Variants in ZFP2 observed in about 807,000 individuals in gnomAD.
The protein encoded by ZFP2 is ZFP2 zinc finger protein.
ZFP2 carries 33 observed loss-of-function variants against 36.1 expected under a neutral mutation model. The observed-to-expected ratio is 0.92, with a 90% CI of 0.69 to 1.22. The LOEUF is 1.22. ZFP2 is among the 50% of genes most tolerant of loss of function. The pLI, the probability that ZFP2 is intolerant of heterozygous loss-of-function variation, is 0.00. For missense variants in ZFP2, 522 were observed against 551.4 expected (o/e 0.95, Z 0.53); for synonymous variants, 170 against 178.0 (o/e 0.96, Z 0.36).
intron 1 of ZFP2, among the ~76,000 whole-genome samples, chr5:178,897,630 A>G (rs1295628152): frequency 6.6e-6 from 1 of 152,190 alleles, no homozygotes; most frequent in Non-Finnish European, 1.5e-5. Context: ...CACTTATTTC[A>G]TATCTTGAAT....
Position 178,902,924 on chromosome 5 carries a change from C to T in ZFP2, c.-450+6950C>T, listed in dbSNP as rs117239576. ...TGGAGACCTGTCCATATCAGTACATCGGGGCTTCTTTCTTTGATTATGTGG... is the reference window on the plus strand; with the variant it reads ...TGGAGACCTGTCCATATCAGTACATTGGGGCTTCTTTCTTTGATTATGTGG... On this transcript the variant is annotated intron_variant, in intron 1 of 4. Coordinates refer to ENST00000361362, the MANE Select transcript of ZFP2 (RefSeq NM_030613.4). Among the ~76,000 whole-genome samples, 101 of 152,268 alleles carry T rather than the reference C, an allele frequency of 6.6e-4. 1 individual carries two copies. In the East Asian group the frequency reaches 0.019, roughly 28 times the overall value.
intron 1 of ZFP2, among the ~76,000 whole-genome samples, chr5:178,904,150 A>G (rs889111706): frequency 6.6e-6 from 1 of 152,228 alleles, no homozygotes; most frequent in Non-Finnish European, 1.5e-5. Context: ...ACTTCATTTA[A>G]CATGATGTGG....
intron 1 of ZFP2, among the ~76,000 whole-genome samples, chr5:178,908,244 C>G (rs1171126802): frequency 1.3e-5 from 2 of 152,100 alleles, no homozygotes; most frequent in Admixed American, 6.5e-5. Context: ...GTCAGGAGAT[C>G]GAGACAATCC....
Position 178,932,250 on chromosome 5 carries a change from C to T in ZFP2, c.937C>T (p.Leu313Phe). 1 of 1,614,156 alleles carries T rather than the reference C, an allele frequency of 6.2e-7. No homozygotes were observed. The highest frequency in any genetic ancestry group is 8.5e-7 in the Non-Finnish European group (1 of 1,180,034). The part of the protein sequence containing the change: ...CGKSFSQSTY[L>F]IEHQRLHSGV... ...GAAATCCTTTAGCCAAAGTACATAT[C>T]TTATAGAACATCAGAGACTTCATTC... The change falls in exon 5 of 5, where the codon CTT becomes TTT. Residue 313 changes from leucine to phenylalanine, a missense_variant. Physicochemically the swap from Leu to Phe is conservative, Grantham distance 22. Coordinates refer to ENST00000361362, the MANE Select transcript of ZFP2 (RefSeq NM_030613.4).
intron 3 of ZFP2, 95 bp from the exon 4 acceptor site, chr5:178,916,470 A>C (rs1478017824): frequency 2.6e-6 from 2 of 765,888 alleles, no homozygotes; most frequent in East Asian, 1.3e-4. Context: ...AGAGGTGTCC[A>C]TTGCAGTGGG....
At chr5:178,920,420 C>G (rs535580152) in intron 4 of ZFP2, among the ~76,000 whole-genome samples, 1 of 152,052 alleles carries the variant, frequency 6.6e-6, no homozygotes, top group African/African-American at 2.4e-5. Flanking sequence ...TGGTGGGTCA[C>G]GAGGTTAGGA....
intron 4 of ZFP2, among the ~76,000 whole-genome samples, chr5:178,918,038 T>C (rs991398399): frequency 1.3e-5 from 2 of 152,208 alleles, no homozygotes; most frequent in Non-Finnish European, 2.9e-5. Flanking sequence ...CACTTTAAAA[T>C]TGCAGACGTT....
At chr5:178,929,945 G>GC (rs556064343) in intron 4 of ZFP2, among the ~76,000 whole-genome samples, 1 of 141,068 alleles carries the variant, frequency 7.1e-6, no homozygotes, top group Non-Finnish European at 1.6e-5. Flanking sequence ...TTGACGGTGG[G>GC]GGGGGGGGCT....
chr5:178,897,052 T>TTG (rs1474384975), intron 1 of ZFP2, among the ~76,000 whole-genome samples: 1 of 151,874 alleles, frequency 6.6e-6, no homozygotes, highest in Admixed American at 6.6e-5. Flanking sequence ...CTTTTTTTTT[T>TTG]TCAGTATTAT....
chr5:178,928,593 G>A lies in ZFP2; in HGVS notation c.-77-2644G>A, dbSNP rs56361587. ...TCTCATATCCAGGGCACTCTGCTGC[G>A]AGGGGTGGAGTCCCTAGGCCTTGGG... On this transcript the variant is annotated intron_variant, in intron 4 of 4. Transcript: ENST00000361362. 2.8e-3 allele frequency among the ~76,000 whole-genome samples: 433 copies of A among 152,328 alleles called. 3 individuals are homozygous for A. Among genetic ancestry groups the A allele is most frequent in the Non-Finnish European group, 4.3e-3 (294 of 68,030 alleles).
chr5:178,912,801 T>G (rs1758323540), intron 2 of ZFP2, 82 bp downstream of exon 2: 1 of 989,710 alleles, frequency 1.0e-6, no homozygotes, highest in Non-Finnish European at 1.2e-6. Flanking sequence ...GGTGTTTGCT[T>G]GGTGTCCTCT....
chr5:178,930,353 C>T (rs1163948759), intron 4 of ZFP2, among the ~76,000 whole-genome samples: 1 of 100,044 alleles, frequency 1.0e-5, no homozygotes, highest in African/African-American at 3.7e-5. Context: ...CAGAGTCTCA[C>T]TCTGTCACCC....
chr5:178,900,820 A>C (rs1160275745), intron 1 of ZFP2, among the ~76,000 whole-genome samples: 513 of 103,080 alleles, frequency 5.0e-3, no homozygotes, highest in Middle Eastern at 0.021. Flanking sequence ...CCCCAGCCAG[A>C]CAGTGTCCTC....
intron 4 of ZFP2, among the ~76,000 whole-genome samples, chr5:178,924,445 G>C (rs1364738345): frequency 6.7e-6 from 1 of 148,312 alleles, no homozygotes; most frequent in South Asian, 2.1e-4. Context: ...TTCATTTTGA[G>C]TTCATTAACT....
chr5:178,923,831 C>T (rs1319164076), intron 4 of ZFP2, among the ~76,000 whole-genome samples: 1 of 148,604 alleles, frequency 6.7e-6, no homozygotes, highest in Non-Finnish European at 1.5e-5. Context: ...CTGAATCCTA[C>T]TATTAAGTTT....
chr5:178,923,358 C>G (rs888963101), intron 4 of ZFP2, among the ~76,000 whole-genome samples: 2 of 149,550 alleles, frequency 1.3e-5, no homozygotes, highest in Admixed American at 6.7e-5. Context: ...TTTGACTACT[C>G]TAGATACCTC....
chr5:178,929,891 T>C, intron 4 of ZFP2, among the ~76,000 whole-genome samples: 1 of 149,758 alleles, frequency 6.7e-6, no homozygotes, highest in East Asian at 2.0e-4. Flanking sequence ...AGAGGTGTAA[T>C]TGGCTCACAG....
At chr5:178,929,053 G>A (rs75400255) in intron 4 of ZFP2, among the ~76,000 whole-genome samples, 13,080 of 152,278 alleles carry the variant, frequency 0.086, 694 homozygotes, top group Non-Finnish European at 0.12. Flanking sequence ...CCTTTCAGCC[G>A]TGGGTGGATC....
rs184367141 is a variant in ZFP2 at position 178,931,422 on chromosome 5, A to G, written c.109A>G (p.Lys37Glu). The change falls in exon 5 of 5, where the codon AAG (lysine) becomes GAG (glutamate). Residue 37 changes from lysine (K) to glutamate (E), a missense_variant. Physicochemically the swap from Lys to Glu is moderately conservative, Grantham distance 56. Coordinates refer to ENST00000361362, the MANE Select transcript of ZFP2 (RefSeq NM_030613.4). ...TCTGAGCCAAGTGGGAGTTACCCATAAGGAAACCTTCACTGAGATGAGAGT... is the reference window on the plus strand; with the variant it reads ...TCTGAGCCAAGTGGGAGTTACCCATGAGGAAACCTTCACTGAGATGAGAGT... ...SHLSQVGVTH[K>E]ETFTEMRVCG... 8.7e-6 allele frequency: 14 copies of G among 1,614,102 alleles called. No homozygotes were observed. The Admixed American group carries it at 2.3e-4, about 27-fold the overall frequency.
Sources: allele counts gnomAD v4.1 joint callset (sites outside exome capture counted in the v4.1 genomes callset), GRCh38; gene constraint gnomAD v4.1.1; transcripts MANE v1.5; gene names NCBI Gene and HGNC (gene_info 2026-07-23, HGNC 2026-07-21).